The following ERBB4 variants were observed in gnomAD, a reference collection of about 807,000 sequenced individuals.
The protein encoded by ERBB4 is receptor tyrosine-protein kinase erbB-4.
Under a neutral mutation model 158.0 loss-of-function variants are expected in ERBB4, and 42 were observed. The observed-to-expected ratio is 0.27, with a 90% CI of 0.21 to 0.34. The LOEUF is 0.34. ERBB4 is among the 10% of genes least tolerant of loss of function. The pLI is 1.00. For synonymous variants in ERBB4, 583 were observed against 558.7 expected, an observed-to-expected ratio of 1.04 and a Z score of -0.61; for missense variants, 1,333 against 1,624.1, an observed-to-expected ratio of 0.82 and a Z score of 3.08.
intron 20 of ERBB4, among the ~76,000 whole-genome samples, chr2:211,557,721 G>C (rs369568545): frequency 3.4e-4 from 52 of 152,154 alleles, no homozygotes; most frequent in African/African-American, 1.2e-3. Context: ...ATTCCTCAAG[G>C]AGCTAAAAAC....
rs10556403 is a variant in ERBB4, at chr2:212,510,205, G to GTATATATATATATATA, written c.82+28228_82+28243dup. On this transcript the variant is annotated intron_variant, in intron 1 of 27. Coordinates refer to ENST00000342788, the MANE Select transcript of ERBB4 (RefSeq NM_005235.3). ...AAACACCTTCCATCCTAACCACACAGTATATATATATATATATATATATAT... is the reference window on the plus strand; with the variant it reads ...AAACACCTTCCATCCTAACCACACAGTATATATATATATATATATATATATATATATATATATATAT... 1.5e-3 allele frequency among the ~76,000 whole-genome samples: 194 copies of GTATATATATATATATA among 130,430 alleles called. 4 individuals are homozygous for GTATATATATATATATA. The highest frequency in any genetic ancestry group is 4.7e-3 in the South Asian group (19 of 4,038). 85.6% of individuals were successfully genotyped at this position (130,430 alleles called of 152,430 possible). A position where few individuals can be genotyped will look rare whatever the true frequency, so the allele number is the denominator to read the frequency against.
chr2:211,493,946 G>A (rs534570521), intron 20 of ERBB4, among the ~76,000 whole-genome samples: 1 of 152,142 alleles, frequency 6.6e-6, no homozygotes, highest in South Asian at 2.1e-4. Flanking sequence ...TAAAAATAAA[G>A]ACCCTAATTT....
At chr2:212,130,122 T>G (rs2080067308) in intron 1 of ERBB4, among the ~76,000 whole-genome samples, 1 of 152,098 alleles carries the variant, frequency 6.6e-6, no homozygotes, top group Non-Finnish European at 1.5e-5. Flanking sequence ...AAAACACAAT[T>G]GAAAAATTGT....
chr2:211,764,916 C>G (rs1016095231), intron 4 of ERBB4, among the ~76,000 whole-genome samples: 1 of 152,092 alleles, frequency 6.6e-6, no homozygotes, highest in African/African-American at 2.4e-5. Flanking sequence ...TATAAAGACA[C>G]TCATTCAAAA....
chr2:211,976,463 G>C (rs2081608164), intron 2 of ERBB4, among the ~76,000 whole-genome samples: 1 of 151,786 alleles, frequency 6.6e-6, no homozygotes, highest in Non-Finnish European at 1.5e-5. Flanking sequence ...TTTTTCTTAA[G>C]TTGCATGATA....
intron 1 of ERBB4, among the ~76,000 whole-genome samples, chr2:212,509,447 C>G (rs750400245): frequency 5.9e-5 from 9 of 151,986 alleles, no homozygotes; most frequent in African/African-American, 9.7e-5. Context: ...ATACCCTCCT[C>G]AGCCTGTAAT....
At chr2:211,857,543 A>T (rs1369324051) in intron 3 of ERBB4, among the ~76,000 whole-genome samples, 1 of 152,112 alleles carries the variant, frequency 6.6e-6, no homozygotes, top group East Asian at 1.9e-4. Context: ...TGGTTTCTGA[A>T]TTTTAATCAA....
intron 2 of ERBB4, among the ~76,000 whole-genome samples, chr2:211,973,910 A>T (rs1042251184): frequency 6.6e-6 from 1 of 152,222 alleles, no homozygotes; most frequent in African/African-American, 2.4e-5. Flanking sequence ...ATAAAAAAGA[A>T]TAAAGTCATG....
At chr2:212,402,926 T>C (rs904869592) in intron 1 of ERBB4, among the ~76,000 whole-genome samples, 1 of 152,142 alleles carries the variant, frequency 6.6e-6, no homozygotes, top group African/African-American at 2.4e-5. Context: ...CCAGCATATG[T>C]ACTTTGTTAT....
intron 21 of ERBB4, among the ~76,000 whole-genome samples, 158 bp downstream of exon 21, chr2:211,430,787 T>C (rs1212550550): frequency 6.6e-6 from 1 of 151,654 alleles, no homozygotes; most frequent in African/African-American, 2.4e-5. Context: ...TACACACACA[T>C]ATATATATAC....
In ERBB4 at chr2:211,725,095, G is replaced by A. The variant is rs765677105; in HGVS notation, c.722C>T (p.Pro241Leu). ...ACATACAAAGCAGTCTGTGTCCTTA[G>A]GTCCTGAGCAGCCTCCAGCACATTC... ...HRECAGGCSG[P>L]KDTDCFACMN... The change falls in exon 6 of 28, where the codon CCT becomes CTT. Residue 241 changes from proline to leucine, a missense_variant. Physicochemically the swap from Pro to Leu is moderately conservative, Grantham distance 98. Coordinates refer to ENST00000342788, the MANE Select transcript of ERBB4 (RefSeq NM_005235.3). 1.2e-6 allele frequency: 2 copies of A among 1,612,106 alleles called. No homozygotes were observed. Among genetic ancestry groups the A allele is most frequent in the East Asian group, 2.2e-5 (1 of 44,846 alleles).
rs148681690 is a variant in ERBB4, at chr2:211,677,730, C to T, written c.1622+1322G>A. 9.7e-3 allele frequency among the ~76,000 whole-genome samples: 1,473 copies of T among 151,952 alleles called. 19 individuals carry two copies. Among genetic ancestry groups the T allele is most frequent in the South Asian group, 0.041 (197 of 4,812 alleles). ...TCTACCAAAAATACAAAAAATTAGCCGGGCGTGGTGGCGGGCGCCTGTAGT... is the reference window on the plus strand; with the variant it reads ...TCTACCAAAAATACAAAAAATTAGCTGGGCGTGGTGGCGGGCGCCTGTAGT... On this transcript the variant is annotated intron_variant, in intron 13 of 27. Coordinates refer to ENST00000342788, the MANE Select transcript of ERBB4 (RefSeq NM_005235.3).
chr2:211,942,181 T>C (rs745763901), intron 3 of ERBB4, among the ~76,000 whole-genome samples: 2 of 152,146 alleles, frequency 1.3e-5, no homozygotes, highest in Non-Finnish European at 2.9e-5. Flanking sequence ...CTTGAGAGAC[T>C]TAAATGTGAA....
chr2:212,243,853 T>C (rs1012954279), intron 1 of ERBB4, among the ~76,000 whole-genome samples: 1 of 152,170 alleles, frequency 6.6e-6, no homozygotes, highest in Non-Finnish European at 1.5e-5. Flanking sequence ...CATCAGTAAT[T>C]TGGATCTAAT....
intron 20 of ERBB4, among the ~76,000 whole-genome samples, chr2:211,492,636 C>T (rs1483148115): frequency 6.6e-6 from 1 of 152,016 alleles, no homozygotes; most frequent in Non-Finnish European, 1.5e-5. Context: ...ATAAGCACAA[C>T]AACAATTTTA....
At chr2:211,932,015 T>G (rs890004047) in intron 3 of ERBB4, among the ~76,000 whole-genome samples, 5 of 152,092 alleles carry the variant, frequency 3.3e-5, no homozygotes, top group East Asian at 1.9e-4. Flanking sequence ...GTCCTTTCTT[T>G]GTTGCAGTGC....
At chr2:211,459,833 CGTT>C (rs1265748769) in intron 20 of ERBB4, among the ~76,000 whole-genome samples, 6 of 152,096 alleles carry the variant, frequency 3.9e-5, no homozygotes, top group Admixed American at 1.3e-4. Flanking sequence ...TAGTTTATCT[CGTT>C]GTTTATATCT....
At chr2:212,324,518 A>G in intron 1 of ERBB4, among the ~76,000 whole-genome samples, 1 of 146,462 alleles carries the variant, frequency 6.8e-6, no homozygotes, top group South Asian at 2.2e-4. Flanking sequence ...ATATTATTGC[A>G]TTAACAGAAC....
chr2:211,457,906 T>A (rs1250241561), intron 20 of ERBB4, among the ~76,000 whole-genome samples: 1 of 152,202 alleles, frequency 6.6e-6, no homozygotes, highest in Non-Finnish European at 1.5e-5. Context: ...ACTGTGGGTA[T>A]CACGTTAACT....
Sources: gnomAD v4.1 joint callset for allele counts (sites outside exome capture counted in the v4.1 genomes callset) on GRCh38, gnomAD v4.1.1 for gene constraint, MANE v1.5 for transcripts, NCBI Gene and HGNC (gene_info 2026-07-23, HGNC 2026-07-21) for gene names.